The following ADCY5 variants were observed in gnomAD, a reference collection of about 807,000 sequenced individuals.
The protein encoded by ADCY5 is adenylate cyclase 5.
ADCY5 carries 30 observed loss-of-function variants against 119.7 expected under a neutral mutation model. The ratio of observed to expected loss-of-function variants is 0.25; its 90% CI spans 0.19 to 0.34. The LOEUF is 0.34. Among genes scored for constraint, ADCY5 ranks in the 10% least tolerant of loss-of-function variants. ADCY5 has a pLI of 1.00. For missense variants in ADCY5, 1,324 were observed against 1,775.2 expected, an observed-to-expected ratio of 0.75 and a Z score of 4.57; for synonymous variants, 753 against 762.2, an observed-to-expected ratio of 0.99 and a Z score of 0.20.
At chr3:123,324,897 G>C (rs888845079) in intron 8 of ADCY5, among the ~76,000 whole-genome samples, 1 of 152,240 alleles carries the variant, frequency 6.6e-6, no homozygotes, top group Non-Finnish European at 1.5e-5. Flanking sequence ...AAAAGATGTG[G>C]TTTCACTTGC....
chr3:123,337,117 C>T (rs1195861264), intron 3 of ADCY5, among the ~76,000 whole-genome samples: 1 of 152,214 alleles, frequency 6.6e-6, no homozygotes. Flanking sequence ...ATCTGTCTAT[C>T]TCCCTTCTCC....
chr3:123,360,716 G>A (rs1481129699), intron 1 of ADCY5, among the ~76,000 whole-genome samples: 1 of 152,082 alleles, frequency 6.6e-6, no homozygotes, highest in Non-Finnish European at 1.5e-5. Flanking sequence ...ATGAAATATT[G>A]ACAAATCAAC....
intron 13 of ADCY5, 36 bp downstream of exon 13, chr3:123,304,031 G>C (rs1352093835): frequency 7.2e-7 from 1 of 1,394,588 alleles, no homozygotes; most frequent in Admixed American, 1.7e-5. Context: ...ATCCAATGGG[G>C]CTGCGGAGGT....
At chr3:123,297,502 C>G in intron 15 of ADCY5, 120 bp from the exon 16 acceptor site, 1 of 1,120,196 alleles carries the variant, frequency 8.9e-7, no homozygotes, top group East Asian at 2.4e-5. Flanking sequence ...CTTGGCTCCC[C>G]AGCCCCATTC....
At chr3:123,345,757 G>GACACACACAC (rs1231817435) in intron 3 of ADCY5, among the ~76,000 whole-genome samples, 42 of 61,124 alleles carry the variant, frequency 6.9e-4, no homozygotes, top group South Asian at 3.6e-3. Flanking sequence ...CAGACAGACA[G>GACACACACAC]ACAGACAGAC....
At chr3:123,429,568 G>C (rs1185941116) in intron 1 of ADCY5, among the ~76,000 whole-genome samples, 1 of 150,908 alleles carries the variant, frequency 6.6e-6, no homozygotes. Context: ...TTCTTCACTC[G>C]GGGCCTGGAG....
chr3:123,318,316 T>C (rs1380142272), intron 10 of ADCY5, among the ~76,000 whole-genome samples, 199 bp from the exon 11 acceptor site: 2 of 152,042 alleles, frequency 1.3e-5, no homozygotes. Context: ...GTAGTGCCTA[T>C]GGAGAGGGCA....
chr3:123,321,812 A>G (rs1186357590), intron 8 of ADCY5, among the ~76,000 whole-genome samples: 3 of 152,120 alleles, frequency 2.0e-5, no homozygotes, highest in Non-Finnish European at 4.4e-5. Context: ...TAAAATAGAC[A>G]TGGGGCCCTG....
intron 7 of ADCY5, among the ~76,000 whole-genome samples, 175 bp downstream of exon 7, chr3:123,327,443 T>C (rs1476808787): frequency 6.6e-6 from 1 of 152,228 alleles, no homozygotes; most frequent in Non-Finnish European, 1.5e-5. Context: ...GATTCCCTCT[T>C]TACCATCCTT....
chr3:123,392,968 C>T (rs1010460520), intron 1 of ADCY5, among the ~76,000 whole-genome samples: 2 of 152,174 alleles, frequency 1.3e-5, no homozygotes, highest in African/African-American at 4.8e-5. Context: ...CTCTACCACC[C>T]CCAGTGACTC....
At chr3:123,391,582 A>C (rs986954961) in intron 1 of ADCY5, among the ~76,000 whole-genome samples, 2 of 152,174 alleles carry the variant, frequency 1.3e-5, no homozygotes, top group Non-Finnish European at 2.9e-5. Flanking sequence ...GTTCCAGTCC[A>C]GCCTCCACCA....
chr3:123,427,992 T>C (rs1225976847), intron 1 of ADCY5, among the ~76,000 whole-genome samples: 1 of 152,086 alleles, frequency 6.6e-6, no homozygotes, highest in African/African-American at 2.4e-5. Flanking sequence ...ATGAGGAATT[T>C]TGTTGGGAGG....
At chr3:123,443,516 T>C (rs1312260779) in intron 1 of ADCY5, among the ~76,000 whole-genome samples, 2 of 152,116 alleles carry the variant, frequency 1.3e-5, no homozygotes, top group African/African-American at 4.8e-5. Context: ...CCTCGATTCT[T>C]GGTCCATATT....
chr3:123,438,100 G>C (rs1057173389), intron 1 of ADCY5, among the ~76,000 whole-genome samples: 1 of 152,068 alleles, frequency 6.6e-6, no homozygotes, highest in African/African-American at 2.4e-5. Context: ...AGAGGCAAGG[G>C]GCTAGATCTT....
chr3:123,337,355 C>T (rs1382515452), intron 3 of ADCY5, among the ~76,000 whole-genome samples: 1 of 152,226 alleles, frequency 6.6e-6, no homozygotes, highest in Non-Finnish European at 1.5e-5. Flanking sequence ...CCCAGCACAA[C>T]ACCCAGACAT....
chr3:123,402,746 G>A (rs867311903), intron 1 of ADCY5, among the ~76,000 whole-genome samples: 3 of 151,828 alleles, frequency 2.0e-5, no homozygotes, highest in Non-Finnish European at 4.4e-5. Context: ...CCAGCTACTC[G>A]GGAGGCAGAG....
chr3:123,360,370 T>A (rs1943204505), intron 1 of ADCY5, among the ~76,000 whole-genome samples: 1 of 152,094 alleles, frequency 6.6e-6, no homozygotes, highest in Admixed American at 6.6e-5. Flanking sequence ...ATTGTCACTC[T>A]CCCTTGCTCT....
At chr3:123,311,891 CA>C (rs1288810769) in intron 12 of ADCY5, among the ~76,000 whole-genome samples, 1 of 151,840 alleles carries the variant, frequency 6.6e-6, no homozygotes, top group Non-Finnish European at 1.5e-5. Context: ...ACAGAGGCAG[CA>C]AAAATCACTG....
intron 1 of ADCY5, among the ~76,000 whole-genome samples, chr3:123,409,618 C>T (rs1479908347): frequency 6.6e-6 from 1 of 152,218 alleles, no homozygotes; most frequent in African/African-American, 2.4e-5. Flanking sequence ...GCAGCTGCAG[C>T]ATCACCCAGG....
Sources: gnomAD v4.1 joint callset for allele counts (sites outside exome capture counted in the v4.1 genomes callset) on GRCh38, gnomAD v4.1.1 for gene constraint, MANE v1.5 for transcripts, NCBI Gene and HGNC (gene_info 2026-07-23, HGNC 2026-07-21) for gene names.